The following PCDHGA10 variants were observed in gnomAD, a reference collection of about 807,000 sequenced individuals.
The protein encoded by PCDHGA10 is protocadherin gamma subfamily A, 10, also known as protocadherin gamma-A10.
Under a neutral mutation model 59.5 loss-of-function variants are expected in PCDHGA10, and 42 were observed. The observed-to-expected ratio is 0.71, with a 90% CI of 0.55 to 0.91. The LOEUF (loss-of-function observed/expected upper bound fraction) is 0.91, where lower values mean the gene tolerates loss of function less well. Ranked by LOEUF, PCDHGA10 falls within the 40% of genes least tolerant of loss-of-function variation. PCDHGA10 has a pLI of 0.00. For missense variants in PCDHGA10, 1,111 were observed against 1,198.2 expected (o/e 0.93, Z 1.07); for synonymous variants, 511 against 517.2 (o/e 0.99, Z 0.16).
At position 141,432,325 on chromosome 5, in the gene PCDHGA10, C is replaced by A; in HGVS notation, c.2436+16714C>A. 6.2e-7 allele frequency: 1 copy of A among 1,614,260 alleles called. No individual in the cohort carries two copies. The highest frequency in any genetic ancestry group is 1.1e-5 in the South Asian group (1 of 91,092). On this transcript the variant is annotated intron_variant, in intron 1 of 3. Transcript: ENST00000398610. The surrounding 1 kb of genome is among the most constrained non-coding windows in gnomAD (Gnocchi z 6.0). The stretch of plus-strand genomic sequence containing the variant: ...TGTATGCGCTGAGCTCCTTCGACTA[C>A]GAGCAGTTCCGAGACTTGCAAGTGA...
intron 1 of PCDHGA10, chr5:141,422,227 A>G: frequency 6.4e-7 from 1 of 1,566,716 alleles, no homozygotes; most frequent in Non-Finnish European, 8.6e-7. Context: ...CACCACGACG[A>G]TGTTGATCAC....
At position 141,485,229 on chromosome 5, in the gene PCDHGA10, TC is replaced by T; in HGVS notation, c.2437-9576del. On this transcript the variant is annotated intron_variant, in intron 1 of 3. Transcript: ENST00000398610. The surrounding 1 kb of genome is among the most constrained non-coding windows in gnomAD (Gnocchi z 5.7). ...ATCTGGCGGTGGGCTACCCTTTTGT[TC>T]CTCTTTTACCACCTGGGTTACGTTT... 6.2e-7 allele frequency: 1 copy of T among 1,614,160 alleles called. No homozygotes were observed. The highest frequency in any genetic ancestry group is 8.5e-7 in the Non-Finnish European group (1 of 1,180,022).
chr5:141,441,230 ATTTAAATCACAAGATC>A (rs1009424536), intron 1 of PCDHGA10: 1 of 152,196 alleles, frequency 6.6e-6, no homozygotes, highest in African/African-American at 2.4e-5. Context: ...ACTGTCCAGG[ATTTAAATCACAAGATC>A]TTTAAATCAC....
intron 1 of PCDHGA10, among the ~76,000 whole-genome samples, chr5:141,438,036 C>T (rs1299733977): frequency 4.6e-5 from 7 of 152,026 alleles, no homozygotes; most frequent in South Asian, 2.1e-4. Flanking sequence ...CCACCATGCC[C>T]GACCACTTTG....
In PCDHGA10 at chr5:141,485,470, T is replaced by C; in HGVS notation, c.2437-9337T>C. ...ACCGAGAGGCACTGTGTGGGCTCAG[T>C]GCCAGCTGCATCGTGCCCCTGGAGT... On this transcript the variant is annotated intron_variant, in intron 1 of 3. Coordinates refer to ENST00000398610, the MANE Select transcript of PCDHGA10 (RefSeq NM_018913.3). This position sits in a 1 kb window ranked among gnomAD's most constrained non-coding sequence, Gnocchi z 5.7. 1.9e-6 allele frequency: 3 copies of C among 1,614,110 alleles called. No individual in the cohort carries two copies. The highest frequency in any genetic ancestry group is 2.5e-6 in the Non-Finnish European group (3 of 1,180,002).
chr5:141,445,341 A>G (rs1165606147), intron 1 of PCDHGA10, among the ~76,000 whole-genome samples: 2 of 152,218 alleles, frequency 1.3e-5, no homozygotes, highest in African/African-American at 4.8e-5. Context: ...AACAGTAAAC[A>G]TTGGTGTCTG....
intron 1 of PCDHGA10, among the ~76,000 whole-genome samples, chr5:141,436,199 A>G (rs576607542): frequency 7.2e-5 from 11 of 152,282 alleles, no homozygotes; most frequent in East Asian, 5.8e-4. Context: ...AAAGAAAGAC[A>G]TAATAGGAAA....
chr5:141,433,849 A>C (rs116534867), intron 1 of PCDHGA10, among the ~76,000 whole-genome samples: 2,948 of 152,020 alleles, frequency 0.019, 43 homozygotes, highest in African/African-American at 0.028. Context: ...AAAAAAAAAA[A>C]AAAAAACTTT....
intron 1 of PCDHGA10, chr5:141,416,864 G>C (rs2096066198): frequency 6.6e-6 from 1 of 151,862 alleles, no homozygotes; most frequent in Admixed American, 6.6e-5. Flanking sequence ...TTTCAGGTCA[G>C]TCAACATTTG....
Position 141,489,323 on chromosome 5 carries a change from C to T in PCDHGA10, c.2437-5484C>T, listed in dbSNP as rs746520513. 1 of 1,601,632 alleles carries T rather than the reference C, an allele frequency of 6.2e-7. No individual in the cohort carries two copies. Among genetic ancestry groups the T allele is most frequent in the Non-Finnish European group, 8.5e-7 (1 of 1,172,950 alleles). ...TCCTTGTGCTGCTGGGGCTGGGTGT[C>T]TGGGCAGCTTCGTTACTCAGTGGTG... On this transcript the variant is annotated intron_variant, in intron 1 of 3. Coordinates refer to ENST00000398610, the MANE Select transcript of PCDHGA10 (RefSeq NM_018913.3). The surrounding 1 kb of genome is among the most constrained non-coding windows in gnomAD (Gnocchi z 4.5).
chr5:141,497,596 G>C (rs920597006), intron 2 of PCDHGA10, among the ~76,000 whole-genome samples: 1 of 149,648 alleles, frequency 6.7e-6, no homozygotes, highest in Admixed American at 6.7e-5. Context: ...CTGGAGTGCA[G>C]TGGTGCGATC....
At chr5:141,498,530 A>G (rs1275299749) in intron 2 of PCDHGA10, among the ~76,000 whole-genome samples, 1 of 149,364 alleles carries the variant, frequency 6.7e-6, no homozygotes, top group Non-Finnish European at 1.5e-5. Flanking sequence ...ACTGCCCTCC[A>G]GCCTGGTCTG....
chr5:141,480,102 T>C (rs568342271), intron 1 of PCDHGA10, among the ~76,000 whole-genome samples: 1 of 152,320 alleles, frequency 6.6e-6, no homozygotes, highest in South Asian at 2.1e-4. Flanking sequence ...GCAAAGTGTT[T>C]AGCATGGTGC....
At chr5:141,497,818 G>T (rs2099779657) in intron 2 of PCDHGA10, among the ~76,000 whole-genome samples, 1 of 152,194 alleles carries the variant, frequency 6.6e-6, no homozygotes, top group African/African-American at 2.4e-5. Context: ...AGAATTACAG[G>T]TGTGATCGCC....
intron 1 of PCDHGA10, chr5:141,422,845 G>A: frequency 6.2e-7 from 1 of 1,614,230 alleles, no homozygotes; most frequent in Non-Finnish European, 8.5e-7. Context: ...TGACAGCGGG[G>A]ACCCGCCCCT....
In PCDHGA10 at chr5:141,489,537, C is replaced by T. The variant is rs2099688580; in HGVS notation, c.2437-5270C>T. 6.2e-6 allele frequency: 10 copies of T among 1,614,118 alleles called. No homozygotes were observed. Among genetic ancestry groups the T allele is most frequent in the Non-Finnish European group, 8.5e-6 (10 of 1,180,028 alleles). ...ACCGAGAAAGCCTATGTGGAGCCAG[C>T]ACCAGCTGCCTGCTGCCAGTGCAGG... On this transcript the variant is annotated intron_variant, in intron 1 of 3. Transcript: ENST00000398610. This position sits in a 1 kb window ranked among gnomAD's most constrained non-coding sequence, Gnocchi z 4.5.
In PCDHGA10 at chr5:141,432,287, G is replaced by A. The variant is rs189131107; in HGVS notation, c.2436+16676G>A. On this transcript the variant is annotated intron_variant, in intron 1 of 3. Transcript: ENST00000398610. This position sits in a 1 kb window ranked among gnomAD's most constrained non-coding sequence, Gnocchi z 6.0. ...ATCGTCCTACGTGTCCATCAACTCC[G>A]ACACTGGGGTACTGTATGCGCTGAG... The A allele has an allele frequency of 2.3e-4, 365 of 1,614,216 alleles. 2 individuals carry two copies. In the East Asian group the frequency reaches 6.5e-3, roughly 29 times the overall value.
intron 1 of PCDHGA10, among the ~76,000 whole-genome samples, chr5:141,430,064 A>T (rs1482609618): frequency 6.6e-6 from 1 of 152,190 alleles, no homozygotes; most frequent in Non-Finnish European, 1.5e-5. Flanking sequence ...TATCATTTTT[A>T]GGTTTCCATA....
Position 141,486,793 on chromosome 5 carries a change from G to C in PCDHGA10, c.2437-8014G>C. ...AGTTTGAGGTGCAGGCCCGGGATCG[G>C]GGCAACCCACCCCTTAGCAGCACTG... is the stretch of plus-strand genomic sequence containing the variant. On this transcript the variant is annotated intron_variant, in intron 1 of 3. Transcript: ENST00000398610. This position sits in a 1 kb window ranked among gnomAD's most constrained non-coding sequence, Gnocchi z 5.0. 6.2e-7 allele frequency: 1 copy of C among 1,614,244 alleles called. No homozygotes were observed. Among genetic ancestry groups the C allele is most frequent in the Non-Finnish European group, 8.5e-7 (1 of 1,180,050 alleles).
Sources: allele counts gnomAD v4.1 joint callset (sites outside exome capture counted in the v4.1 genomes callset), GRCh38; gene constraint gnomAD v4.1.1; non-coding constraint Gnocchi (gnomAD v3.1); transcripts MANE v1.5; gene names NCBI Gene and HGNC (gene_info 2026-07-23, HGNC 2026-07-21).